Variants in HIVEP3 observed in about 807,000 individuals in gnomAD.
HIVEP3 encodes HIVEP zinc finger 3.
Under a neutral mutation model 152.8 loss-of-function variants are expected in HIVEP3, and 49 were observed. That is an observed-to-expected ratio of 0.32 (90% CI 0.26 to 0.41). The LOEUF is 0.41. Among genes scored for constraint, HIVEP3 ranks in the 10% least tolerant of loss-of-function variants. The probability of loss-of-function intolerance (pLI) is 1.00; values close to 1 mark genes in which losing one functional copy is unlikely to be tolerated. For synonymous variants in HIVEP3, 1,269 were observed against 1,289.0 expected (o/e 0.98, Z 0.33); for missense variants, 2,790 against 3,103.3 (o/e 0.90, Z 2.40).
chr1:42,029,757 T>G (rs1645602761), intron 1 of HIVEP3, among the ~76,000 whole-genome samples: 1 of 152,196 alleles, frequency 6.6e-6, no homozygotes, highest in African/African-American at 2.4e-5. Context: ...TAGACATCAA[T>G]TATGTGATTA....
At chr1:41,590,518 G>A (rs1428543349) in intron 3 of HIVEP3, among the ~76,000 whole-genome samples, 1 of 152,228 alleles carries the variant, frequency 6.6e-6, no homozygotes, top group East Asian at 1.9e-4. Flanking sequence ...GTGACCACAT[G>A]GACAAGAACA....
At chr1:41,512,556 G>A (rs746241845) in intron 8 of HIVEP3, among the ~76,000 whole-genome samples, 17 of 152,194 alleles carry the variant, frequency 1.1e-4, no homozygotes, top group Non-Finnish European at 2.1e-4. Flanking sequence ...CTAATACGTG[G>A]TAGAACCCAT....
chr1:41,861,349 T>C (rs142536003), intron 1 of HIVEP3, among the ~76,000 whole-genome samples: 2,494 of 152,330 alleles, frequency 0.016, 37 homozygotes, highest in Non-Finnish European at 0.021. Context: ...GTTGCTCTAC[T>C]CTAAGGGCTT....
intron 1 of HIVEP3, among the ~76,000 whole-genome samples, chr1:41,730,007 G>C (rs1238565537): frequency 2.6e-5 from 4 of 152,230 alleles, no homozygotes; most frequent in Admixed American, 6.5e-5. Context: ...CCAAGAGAGG[G>C]AAAGTGAGTC....
chr1:41,576,135 G>A (rs10749832), intron 4 of HIVEP3, among the ~76,000 whole-genome samples: 106,973 of 152,154 alleles, frequency 0.7, 38,517 homozygotes, highest in East Asian at 0.98. Context: ...TCCAGTTCTT[G>A]TTTATAGATC....
intron 3 of HIVEP3, among the ~76,000 whole-genome samples, chr1:41,628,281 C>G (rs1222313459): frequency 2.6e-5 from 4 of 152,180 alleles, no homozygotes; most frequent in African/African-American, 9.7e-5. Flanking sequence ...GCTGCTATGT[C>G]TCTAACTCCC....
intron 1 of HIVEP3, among the ~76,000 whole-genome samples, chr1:41,906,304 G>C (rs1489976495): frequency 6.8e-6 from 1 of 147,448 alleles, no homozygotes; most frequent in Non-Finnish European, 1.5e-5. Flanking sequence ...GCAAGACTCT[G>C]TCTGAAAAAA....
intron 1 of HIVEP3, among the ~76,000 whole-genome samples, chr1:41,843,280 A>T (rs1643342482): frequency 6.6e-6 from 1 of 152,250 alleles, no homozygotes; most frequent in African/African-American, 2.4e-5. Context: ...GTTTCTCTCT[A>T]CAACAGTTGA....
chr1:41,801,386 C>A (rs774705011), intron 1 of HIVEP3, among the ~76,000 whole-genome samples: 2 of 152,116 alleles, frequency 1.3e-5, no homozygotes, highest in Non-Finnish European at 2.9e-5. Context: ...CTACTCCCTC[C>A]TGCACCCAGC....
At chr1:42,018,567 T>C (rs1452570431) in intron 1 of HIVEP3, among the ~76,000 whole-genome samples, 7 of 152,110 alleles carry the variant, frequency 4.6e-5, no homozygotes, top group Middle Eastern at 3.2e-3. Flanking sequence ...ATCTGTTCCA[T>C]TGGGCTTAAG....
intron 5 of HIVEP3, among the ~76,000 whole-genome samples, chr1:41,569,896 T>C (rs756571910): frequency 6.6e-5 from 10 of 152,310 alleles, no homozygotes; most frequent in Middle Eastern, 3.4e-3. Context: ...ACTGGAACAG[T>C]AATGAATTAA....
Position 41,826,287 on chromosome 1 carries a change from G to A in HIVEP3, c.-801+92126C>T, listed in dbSNP as rs887325709. Among the ~76,000 whole-genome samples the A allele has an allele frequency of 3.3e-5, 5 of 152,314 alleles. No individual in the cohort carries two copies. In the South Asian group the frequency reaches 1.0e-3, roughly 32 times the overall value. ...ACTGCCTGTCACTGGGAGAGGCTGA[G>A]TGAGGAATTTAGGGTCTCCAGGAAA... On this transcript the variant is annotated intron_variant, in intron 1 of 8. Transcript: ENST00000372583.
chr1:41,627,764 C>T (rs1645137903), intron 3 of HIVEP3, among the ~76,000 whole-genome samples: 1 of 152,188 alleles, frequency 6.6e-6, no homozygotes, highest in South Asian at 2.1e-4. Context: ...CAGAAGGAGG[C>T]CCTGGAGTCC....
chr1:41,868,644 CG>C (rs1484910737), intron 1 of HIVEP3, among the ~76,000 whole-genome samples: 2 of 152,156 alleles, frequency 1.3e-5, no homozygotes, highest in Non-Finnish European at 2.9e-5. Context: ...CACACCTGTG[CG>C]TGGCTCTCCC....
chr1:41,525,256 C>T (rs1642867857), intron 5 of HIVEP3, among the ~76,000 whole-genome samples: 1 of 151,896 alleles, frequency 6.6e-6, no homozygotes, highest in African/African-American at 2.4e-5. Flanking sequence ...AGAACAGCCA[C>T]CGCAGGCCAC....
At chr1:41,781,513 G>A (rs1209047038) in intron 1 of HIVEP3, among the ~76,000 whole-genome samples, 1 of 152,140 alleles carries the variant, frequency 6.6e-6, no homozygotes, top group Non-Finnish European at 1.5e-5. Context: ...TAGTTCAGAC[G>A]CTCTTTCTCA....
intron 1 of HIVEP3, among the ~76,000 whole-genome samples, chr1:41,733,619 C>T (rs987865921): frequency 1.3e-5 from 2 of 152,234 alleles, no homozygotes; most frequent in Admixed American, 1.3e-4. Context: ...GCTCTTGGGG[C>T]GTTGCCCTGG....
chr1:41,840,630 C>A (rs892937455), intron 1 of HIVEP3, among the ~76,000 whole-genome samples: 2 of 152,180 alleles, frequency 1.3e-5, no homozygotes, highest in African/African-American at 4.8e-5. Context: ...ATCACGAGAC[C>A]CTACATTCTC....
intron 1 of HIVEP3, among the ~76,000 whole-genome samples, chr1:41,739,966 T>C (rs1423196529): frequency 6.6e-6 from 1 of 152,196 alleles, no homozygotes; most frequent in Non-Finnish European, 1.5e-5. Context: ...AACAGCCCTT[T>C]CCTACCCACA....
Sources: allele counts gnomAD v4.1 joint callset (sites outside exome capture counted in the v4.1 genomes callset), GRCh38; gene constraint gnomAD v4.1.1; transcripts MANE v1.5; gene names NCBI Gene and HGNC (gene_info 2026-07-23, HGNC 2026-07-21).